LRRC69: variants seen among roughly 807,000 people sequenced by gnomAD.
LRRC69 encodes leucine-rich repeat-containing protein 69.
In LRRC69, 42 loss-of-function variants were observed where a neutral mutation model predicts 37.8. The ratio of observed to expected loss-of-function variants is 1.11; its 90% CI spans 0.87 to 1.44. The LOEUF (loss-of-function observed/expected upper bound fraction) is 1.44. Ranked by LOEUF, LRRC69 falls within the 40% of genes most tolerant of loss-of-function variation. The probability of loss-of-function intolerance (pLI) is 0.00; values close to 1 mark genes in which losing one functional copy is unlikely to be tolerated. For missense variants in LRRC69, 357 were observed against 401.9 expected (o/e 0.89, Z 0.96); for synonymous variants, 141 against 143.1 (o/e 0.99, Z 0.11).
At chr8:91,191,230 G>T (rs1809490769) in intron 6 of LRRC69, among the ~76,000 whole-genome samples, 1 of 151,866 alleles carries the variant, frequency 6.6e-6, no homozygotes, top group Admixed American at 6.6e-5. Context: ...TTCACAAACA[G>T]CATTATTTCT....
intron 7 of LRRC69, among the ~76,000 whole-genome samples, chr8:91,213,452 T>G (rs34846680): frequency 0.052 from 7,909 of 152,234 alleles, 275 homozygotes; most frequent in Middle Eastern, 0.16. Flanking sequence ...CACTTATCAC[T>G]GTGGCATGGC....
At chr8:91,197,565 G>A (rs1220677344) in intron 6 of LRRC69, among the ~76,000 whole-genome samples, 4 of 152,110 alleles carry the variant, frequency 2.6e-5, no homozygotes, top group South Asian at 2.1e-4. Flanking sequence ...TTTTAAGCCC[G>A]TCGGAAAAGC....
intron 7 of LRRC69, among the ~76,000 whole-genome samples, chr8:91,202,886 A>G (rs1050424419): frequency 1.2e-4 from 18 of 152,212 alleles, no homozygotes; most frequent in African/African-American, 3.6e-4. Flanking sequence ...TTTGCACTAG[A>G]CCAGCTGAGA....
chr8:91,196,892 C>T (rs1014887131), intron 6 of LRRC69, among the ~76,000 whole-genome samples: 20 of 152,296 alleles, frequency 1.3e-4, no homozygotes, highest in African/African-American at 1.9e-4. Context: ...TGAGGCACTG[C>T]GTTCCTTTGG....
At chr8:91,162,010 C>G (rs1808953605) in intron 5 of LRRC69, among the ~76,000 whole-genome samples, 1 of 151,292 alleles carries the variant, frequency 6.6e-6, no homozygotes, top group South Asian at 2.1e-4. Flanking sequence ...TTTCTTTATT[C>G]ACCTTTGGTG....
rs1282710962 is a variant in LRRC69, at chr8:91,120,721, G to T, written c.184-3772G>T. Among the ~76,000 whole-genome samples, 22 of 152,082 alleles carry T rather than the reference G, an allele frequency of 1.4e-4. 1 individual carries two copies. Among genetic ancestry groups the T allele is most frequent in the Admixed American group, 1.4e-3 (22 of 15,260 alleles). On this transcript the variant is annotated intron_variant, in intron 1 of 7. Coordinates refer to ENST00000448384, the Ensembl canonical transcript of LRRC69. ...CGGATGGAGCACGACTCAGCTGTGG[G>T]ATGTGGTGTACCAGATGCTTTAAGT...
At chr8:91,202,661 T>C (rs185486346) in intron 7 of LRRC69, among the ~76,000 whole-genome samples, 3 of 152,276 alleles carry the variant, frequency 2.0e-5, no homozygotes, top group Admixed American at 2.0e-4. Context: ...GATTAGAAAG[T>C]ATTAATTGAC....
chr8:91,166,696 T>C (rs1024746198), intron 5 of LRRC69, among the ~76,000 whole-genome samples: 1 of 151,800 alleles, frequency 6.6e-6, no homozygotes, highest in African/African-American at 2.4e-5. Context: ...GAAATTGTTT[T>C]ATGGGATACA....
chr8:91,185,645 A>G (rs1320925638), intron 5 of LRRC69, among the ~76,000 whole-genome samples: 2 of 152,186 alleles, frequency 1.3e-5, no homozygotes, highest in Non-Finnish European at 2.9e-5. Flanking sequence ...TAGATATCAA[A>G]TTTATCATAC....
chr8:91,123,794 CTG>C (rs1458413297), intron 1 of LRRC69, among the ~76,000 whole-genome samples: 6 of 151,952 alleles, frequency 3.9e-5, no homozygotes, highest in African/African-American at 1.4e-4. Context: ...TGGGAACAAT[CTG>C]TATCACTTAT....
At chr8:91,116,319 T>A (rs1029826885) in intron 1 of LRRC69, among the ~76,000 whole-genome samples, 1 of 151,980 alleles carries the variant, frequency 6.6e-6, no homozygotes, top group African/African-American at 2.4e-5. Context: ...AGTATCCCCA[T>A]TTTTATAAAG....
intron 1 of LRRC69, among the ~76,000 whole-genome samples, chr8:91,114,964 A>C (rs905349117): frequency 6.6e-6 from 1 of 152,032 alleles, no homozygotes; most frequent in South Asian, 2.1e-4. Context: ...CAAATACTAC[A>C]TGATTTCATT....
At chr8:91,191,331 CTTA>C (rs1429813630) in intron 6 of LRRC69, among the ~76,000 whole-genome samples, 3 of 152,002 alleles carry the variant, frequency 2.0e-5, no homozygotes, top group African/African-American at 7.2e-5. Context: ...TCCCTTATAA[CTTA>C]TTTTTTCTCC....
chr8:91,185,644 A>G (rs1440469095), intron 5 of LRRC69, among the ~76,000 whole-genome samples: 1 of 152,196 alleles, frequency 6.6e-6, no homozygotes, highest in Non-Finnish European at 1.5e-5. Flanking sequence ...TTAGATATCA[A>G]ATTTATCATA....
chr8:91,134,579 A>G (rs1347381266), intron 4 of LRRC69, among the ~76,000 whole-genome samples: 4 of 151,772 alleles, frequency 2.6e-5, no homozygotes, highest in African/African-American at 9.7e-5. Flanking sequence ...TCACACACCC[A>G]TCTCCTCTAG....
Position 91,152,427 on chromosome 8 carries a change from C to T in LRRC69, c.651+16688C>T, listed in dbSNP as rs553871888. On this transcript the variant is annotated intron_variant, in intron 5 of 7. Coordinates refer to ENST00000448384, the Ensembl canonical transcript of LRRC69. ...TTGTTTTGTCAGGTTTGTTGAAGAT[C>T]AGATGGTTGTAGATTTGAGGTCTTA... is the stretch of plus-strand genomic sequence containing the variant. 1.2e-3 allele frequency among the ~76,000 whole-genome samples: 187 copies of T among 151,676 alleles called. 1 individual carries two copies. Among genetic ancestry groups the T allele is most frequent in the African/African-American group, 4.3e-3 (180 of 41,494 alleles).
Position 91,121,652 on chromosome 8 carries a change from G to C in LRRC69, c.184-2841G>C, listed in dbSNP as rs138432038. Among the ~76,000 whole-genome samples, 144 of 152,082 alleles carry C rather than the reference G, an allele frequency of 9.5e-4. 4 individuals are homozygous for C. Among genetic ancestry groups the C allele is most frequent in the Non-Finnish European group, 3.7e-4 (25 of 68,014 alleles). Reference sequence around the variant, plus strand: ...AATTGTCTCTAGAACACTTAATACTGTCTGTTATTTTTGTATTAATTTGTT... The same window carrying C: ...AATTGTCTCTAGAACACTTAATACTCTCTGTTATTTTTGTATTAATTTGTT... On this transcript the variant is annotated intron_variant, in intron 1 of 7. Coordinates refer to ENST00000448384, the Ensembl canonical transcript of LRRC69.
At chr8:91,111,701 G>A (rs1813412581) in intron 1 of LRRC69, among the ~76,000 whole-genome samples, 1 of 151,862 alleles carries the variant, frequency 6.6e-6, no homozygotes, top group Admixed American at 6.6e-5. Flanking sequence ...GACACATAGA[G>A]GGGAATAACA....
intron 5 of LRRC69, among the ~76,000 whole-genome samples, chr8:91,162,723 T>C (rs1808966683): frequency 6.6e-6 from 1 of 151,366 alleles, no homozygotes; most frequent in Non-Finnish European, 1.5e-5. Context: ...TTAAATCTTA[T>C]AGTTGGGAAA....
Sources: allele counts gnomAD v4.1 joint callset (sites outside exome capture counted in the v4.1 genomes callset), GRCh38; gene constraint gnomAD v4.1.1; transcripts MANE v1.5; gene names NCBI Gene and HGNC (gene_info 2026-07-23, HGNC 2026-07-21).